NKPD1: variants seen among roughly 807,000 people sequenced by gnomAD.
The protein encoded by NKPD1 is NTPase KAP family P-loop domain-containing protein 1.
Under a neutral mutation model 42.2 loss-of-function variants are expected in NKPD1, and 37 were observed. That is an observed-to-expected ratio of 0.88 (90% confidence interval 0.67 to 1.15). The LOEUF (loss-of-function observed/expected upper bound fraction) is 1.15, where lower values mean the gene tolerates loss of function less well. Among genes scored for constraint, NKPD1 ranks in the 50% most tolerant of loss-of-function variants. The probability of loss-of-function intolerance (pLI) is 0.00; values close to 1 mark genes in which losing one functional copy is unlikely to be tolerated. For synonymous variants in NKPD1, 552 were observed against 536.5 expected, an observed-to-expected ratio of 1.03 and a Z score of -0.40; for missense variants, 1,113 against 1,174.6, an observed-to-expected ratio of 0.95 and a Z score of 0.77.
Position 45,158,849 on chromosome 19 carries a change from T to C in NKPD1, c.343A>G (p.Thr115Ala), listed in dbSNP as rs1968953289. 1 of 1,281,740 alleles carries C rather than the reference T, an allele frequency of 7.8e-7. No individual in the cohort carries two copies. The highest frequency in any genetic ancestry group is 5.8e-5 in the East Asian group (1 of 17,288). The allele number at this position is 1,281,740 out of a possible 1,614,324, so 79.4% of individuals were successfully genotyped here. The change falls in exon 3 of 5, where the codon ACT becomes GCT. Residue 115 changes from threonine (T) to alanine (A), a missense_variant. Physicochemically the swap from Thr to Ala is moderately conservative, Grantham distance 58. Coordinates refer to ENST00000686631, the MANE Select transcript of NKPD1 (RefSeq NM_198478.4). This position sits in a 1 kb window ranked among gnomAD's most constrained non-coding sequence, Gnocchi z 4.6. ...GCGCTGGCAGGTTCCTTGGGGACAG[T>C]GGAGGTTGCAGGCAGCCCCTTCTGG... ...EAQKGLPATS[T>A]VPKEPASAPQ...
rs1278597280 is a variant in NKPD1, at chr19:45,151,007, A to G, written c.*931T>C. The G allele has an allele frequency of 6.6e-6, 1 of 152,450 alleles. No individual in the cohort carries two copies. The highest frequency in any genetic ancestry group is 1.5e-5 in the Non-Finnish European group (1 of 68,234). The allele number at this position is 152,450 out of a possible 1,614,324, so 9.4% of individuals were successfully genotyped here. A position where few individuals can be genotyped will look rare whatever the true frequency, so the allele number is the denominator to read the frequency against. On this transcript the variant is annotated 3_prime_UTR_variant, in exon 5 of 5. Coordinates refer to ENST00000686631, the MANE Select transcript of NKPD1 (RefSeq NM_198478.4). ...ACCCCAGGGCCTGAGCGTGTGGCTG[A>G]ACATTTGACCAGTGAGGAATCAGGA...
intron 2 of NKPD1, among the ~76,000 whole-genome samples, chr19:45,159,638 A>G (rs1968970193): frequency 2.0e-5 from 3 of 152,076 alleles, no homozygotes; most frequent in Admixed American, 2.0e-4. Context: ...AATCAGCCCC[A>G]GTGGGAGGGC....
chr19:45,162,596 C>A (rs1174228408), upstream of NKPD1, among the ~76,000 whole-genome samples: 1 of 152,082 alleles, frequency 6.6e-6, no homozygotes, highest in African/African-American at 2.4e-5. Flanking sequence ...TGTCTGGCCT[C>A]CCCCTACCCC....
rs200529734 is a variant in NKPD1, at chr19:45,152,510, CCTGCTG to C, written c.1921_1926del (p.Gln641_Gln642del). The C allele has an allele frequency of 1.8e-5, 28 of 1,568,134 alleles. No homozygotes were observed. The highest frequency in any genetic ancestry group is 4.6e-5 in the South Asian group (4 of 87,258). On this transcript the variant is annotated inframe_deletion, in exon 5 of 5. Transcript: ENST00000686631. ...CGCGGCGTGGGGCCCCCAAAGTCCC[CCTGCTG>C]CTGCTGCTGCTGCAGCAGGCGCACG...
chr19:45,160,899 A>T (rs1442028770), intron 1 of NKPD1, among the ~76,000 whole-genome samples, 26 bp downstream of exon 1: 1 of 151,454 alleles, frequency 6.6e-6, no homozygotes, highest in Non-Finnish European at 1.5e-5. Flanking sequence ...ACCACTCCCC[A>T]CCCCCAGTCC....
chr19:45,155,959 A>G (rs1468665547), intron 3 of NKPD1, 43 bp from the exon 4 acceptor site: 1 of 1,290,456 alleles, frequency 7.7e-7, no homozygotes, highest in Admixed American at 2.3e-5. Flanking sequence ...ACCACTGGCC[A>G]GGCACCACCC....
At chr19:45,160,263 C>T in intron 1 of NKPD1, 42 bp from the exon 2 acceptor site, 1 of 506,532 alleles carries the variant, frequency 2.0e-6, no homozygotes, top group African/African-American at 2.0e-5. Context: ...GGGTCCCTGC[C>T]CTGCCCGACA....
At chr19:45,154,645 C>T (rs537068738) in intron 4 of NKPD1, among the ~76,000 whole-genome samples, 1 of 152,258 alleles carries the variant, frequency 6.6e-6, no homozygotes, top group African/African-American at 2.4e-5. Flanking sequence ...GGGCTGGGCA[C>T]ACGTAGGAGG....
chr19:45,151,261 TTGTC>T lies in NKPD1; in HGVS notation c.*673_*676del, dbSNP rs758347810. On this transcript the variant is annotated 3_prime_UTR_variant, in exon 5 of 5. Coordinates refer to ENST00000686631, the MANE Select transcript of NKPD1 (RefSeq NM_198478.4). The stretch of plus-strand genomic sequence containing the variant: ...AGGCAGGTACCCTGTGGACAGTTAT[TTGTC>T]TGGGGGAGGTTAGTGCCACCCACTC... 5.9e-5 allele frequency: 9 copies of T among 152,382 alleles called. No individual in the cohort carries two copies. Among genetic ancestry groups the T allele is most frequent in the Middle Eastern group, 6.8e-3 (2 of 294 alleles). The allele number at this position is 152,382 out of a possible 1,614,324, so 9.4% of individuals were successfully genotyped here.
rs553801679 is a variant in NKPD1, at chr19:45,158,754, C to T, written c.438G>A (p.Ala146=). ...CGCTGGGCTTCAGGAGGACGCCAGC[C>T]GCGGAGGGTAGAGCTGGGCCACTCC... The part of the protein sequence containing the change: ...MARSGPALPS[A]AGVLLKPSEP... The change falls in exon 3 of 5, where the codon GCG becomes GCA. Residue 146 remains alanine (A), a synonymous_variant. Transcript: ENST00000686631. This position sits in a 1 kb window ranked among gnomAD's most constrained non-coding sequence, Gnocchi z 4.6. The T allele has an allele frequency of 4.1e-5, 50 of 1,218,434 alleles. No homozygotes were observed. In the Admixed American group the frequency reaches 5.0e-4, roughly 12 times the overall value. The allele number at this position is 1,218,434 out of a possible 1,614,324, so 75.5% of individuals were successfully genotyped here. A position where few individuals can be genotyped will look rare whatever the true frequency, so the allele number is the denominator to read the frequency against.
rs1343771703 is a variant in NKPD1, at chr19:45,155,690, C to T, written c.661+95G>A. 2.5e-6 allele frequency: 3 copies of T among 1,195,894 alleles called. No individual in the cohort carries two copies. In the African/African-American group the frequency reaches 4.8e-5, roughly 19 times the overall value. 74.1% of individuals were successfully genotyped at this position (1,195,894 alleles called of 1,614,324 possible). On this transcript the variant is annotated intron_variant, in intron 4 of 4. Coordinates refer to ENST00000686631, the MANE Select transcript of NKPD1 (RefSeq NM_198478.4). The stretch of plus-strand genomic sequence containing the variant: ...GGCCTGGGCTGGGGCAGGCTGGCCA[C>T]AGGGGTGGGGGGATCTGGGGGAAGC...
intron 2 of NKPD1, among the ~76,000 whole-genome samples, 162 bp downstream of exon 2, chr19:45,159,898 G>C (rs992396378): frequency 1.3e-5 from 2 of 152,228 alleles, no homozygotes; most frequent in African/African-American, 2.4e-5. Context: ...CCTGTGGTCC[G>C]GGTCCTGGGT....
rs1164328610 is a variant in NKPD1 at position 45,153,089 on chromosome 19, G to A, written c.1348C>T (p.Arg450Cys). Residue 450 changes from arginine (R) to cysteine (C), a missense_variant, in exon 5 of 5, where the codon CGC becomes TGC. Physicochemically the swap from Arg to Cys is radical, Grantham distance 180. Around this residue, in one of 3 missense-constraint regions of NKPD1, gnomAD observed 867 missense variants for 870.1 expected, o/e 1.00. Coordinates refer to ENST00000686631, the MANE Select transcript of NKPD1 (RefSeq NM_198478.4). ...ACCTCCAGCACCACGCGCAGCCTGC[G>A]CCGCTGGTAGATCTCCAGGAAGCAC... The part of the protein sequence containing the change: ...FLCFLEIYQR[R>C]RLRVVLEVTG... 13 of 1,574,810 alleles carry A rather than the reference G, an allele frequency of 8.3e-6. No individual in the cohort carries two copies. Among genetic ancestry groups the A allele is most frequent in the Non-Finnish European group, 1.1e-5 (13 of 1,160,846 alleles).
At chr19:45,159,989 G>C in intron 2 of NKPD1, 71 bp downstream of exon 2, 1 of 856,784 alleles carries the variant, frequency 1.2e-6, no homozygotes, top group Non-Finnish European at 1.7e-6. Flanking sequence ...CTCCCCTTCT[G>C]TTCCTCCATT....
In NKPD1 at chr19:45,160,214, C is replaced by T. The variant is rs1968981175; in HGVS notation, c.-64G>A. ...GGCAGGAGGGAGCACACAGGCTTGG[C>T]GTAGCCTCTGGGGCACGAACAGCAG... On this transcript the variant is annotated 5_prime_UTR_variant, in exon 2 of 5. Coordinates refer to ENST00000686631, the MANE Select transcript of NKPD1 (RefSeq NM_198478.4). 3 of 1,050,348 alleles carry T rather than the reference C, an allele frequency of 2.9e-6. No homozygotes were observed. The highest frequency in any genetic ancestry group is 2.6e-6 in the Non-Finnish European group (2 of 763,496). The allele number at this position is 1,050,348 out of a possible 1,614,324, so 65.1% of individuals were successfully genotyped here. A position where few individuals can be genotyped will look rare whatever the true frequency, so the allele number is the denominator to read the frequency against.
At chr19:45,156,963 C>T (rs945255891) in intron 3 of NKPD1, among the ~76,000 whole-genome samples, 9 of 152,210 alleles carry the variant, frequency 5.9e-5, no homozygotes, top group African/African-American at 2.2e-4. Flanking sequence ...ACCTCATCCA[C>T]CCTCTACTTC....
At chr19:45,157,948 C>A (rs1968935190) in intron 3 of NKPD1, among the ~76,000 whole-genome samples, 1 of 152,042 alleles carries the variant, frequency 6.6e-6, no homozygotes. Context: ...TGGTCTCAAA[C>A]CCCTGACCTC....
intron 4 of NKPD1, 28 bp downstream of exon 4, chr19:45,155,757 C>T (rs377142359): frequency 1.0e-5 from 13 of 1,285,778 alleles, no homozygotes; most frequent in Middle Eastern, 2.2e-4. Context: ...TCTCATCCTC[C>T]CCCCAACAAA....
Position 45,157,835 on chromosome 19 carries a change from G to T in NKPD1, c.529+828C>A, listed in dbSNP as rs568563585. Among the ~76,000 whole-genome samples, 35 of 147,714 alleles carry T rather than the reference G, an allele frequency of 2.4e-4. No homozygotes were observed. The South Asian group carries it at 7.2e-3, about 30-fold the overall frequency. On this transcript the variant is annotated intron_variant, in intron 3 of 4. Transcript: ENST00000686631. ...TACCTCCCGGTTTCAAGTGATTCTC[G>T]TGCCTCAGCCTCCTGAGTAACTGGG...
Sources: allele counts gnomAD v4.1 joint callset (sites outside exome capture counted in the v4.1 genomes callset), GRCh38; gene constraint gnomAD v4.1.1; regional missense constraint gnomAD v4.1.1; non-coding constraint Gnocchi (gnomAD v3.1); transcripts MANE v1.5; gene names NCBI Gene and HGNC (gene_info 2026-07-23, HGNC 2026-07-21).